The following ZMAT5 variants were observed in gnomAD, a reference collection of about 807,000 sequenced individuals.
ZMAT5 encodes the protein zinc finger matrin-type protein 5.
A neutral mutation model predicts 28.0 loss-of-function variants in ZMAT5; 23 were observed. The ratio of observed to expected loss-of-function variants is 0.82; its 90% CI spans 0.59 to 1.16. The LOEUF (loss-of-function observed/expected upper bound fraction) is 1.16. Ranked by LOEUF, ZMAT5 falls within the 50% of genes most tolerant of loss-of-function variation. ZMAT5 has a pLI of 0.00. For missense variants in ZMAT5, 173 were observed against 212.7 expected, an observed-to-expected ratio of 0.81 and a Z score of 1.16; for synonymous variants, 76 against 84.1, an observed-to-expected ratio of 0.90 and a Z score of 0.52.
intron 1 of ZMAT5, among the ~76,000 whole-genome samples, chr22:29,753,454 G>A (rs1441992073): frequency 2.0e-5 from 3 of 152,180 alleles, no homozygotes; most frequent in Admixed American, 2.0e-4. Context: ...GAACCCAGGA[G>A]GCAGAGGTTG....
Position 29,760,140 on chromosome 22 carries a change from G to A in ZMAT5, c.-28+6732C>T, listed in dbSNP as rs182365408. On this transcript the variant is annotated intron_variant, in intron 1 of 5. Transcript: ENST00000344318. ...TTCTTGAACCCGGGAGGCGGAGGTT[G>A]CAGCGAGCCGAGATTGCACCACTGC... Among the ~76,000 whole-genome samples, 252 of 151,850 alleles carry A rather than the reference G, an allele frequency of 1.7e-3. 1 individual carries two copies. The highest frequency in any genetic ancestry group is 5.6e-3 in the African/African-American group (230 of 41,422).
At chr22:29,731,698 C>A in intron 5 of ZMAT5, 1 of 241,440 alleles carries the variant, frequency 4.1e-6, no homozygotes, top group Non-Finnish European at 7.9e-6. Flanking sequence ...TTTATATGCA[C>A]TGATGAGGAA....
chr22:29,732,816 A>C (rs1331194380), intron 5 of ZMAT5, among the ~76,000 whole-genome samples: 1 of 151,970 alleles, frequency 6.6e-6, no homozygotes, highest in East Asian at 1.9e-4. Flanking sequence ...CCGCCGCCAA[A>C]ATTCAGGCAG....
chr22:29,751,061 T>C (rs1001451351), intron 1 of ZMAT5, among the ~76,000 whole-genome samples: 2 of 152,122 alleles, frequency 1.3e-5, no homozygotes, highest in South Asian at 2.1e-4. Flanking sequence ...AATAAACTTA[T>C]AGGAATTGGA....
chr22:29,740,933 T>A, intron 3 of ZMAT5, among the ~76,000 whole-genome samples: 1 of 152,186 alleles, frequency 6.6e-6, no homozygotes, highest in East Asian at 1.9e-4. Context: ...TCATGCCACA[T>A]GCTCACGACC....
At chr22:29,732,197 C>G (rs1225176319) in intron 5 of ZMAT5, among the ~76,000 whole-genome samples, 1 of 152,252 alleles carries the variant, frequency 6.6e-6, no homozygotes, top group Non-Finnish European at 1.5e-5. Context: ...GGCCGCATGG[C>G]CCTTCTCAGG....
At chr22:29,745,258 G>T (rs570438400) in intron 2 of ZMAT5, among the ~76,000 whole-genome samples, 5 of 152,174 alleles carry the variant, frequency 3.3e-5, no homozygotes, top group Non-Finnish European at 7.4e-5. Flanking sequence ...TGGTGGGGGG[G>T]CCTGGCTTGG....
chr22:29,751,429 T>C (rs2068054619), intron 1 of ZMAT5, among the ~76,000 whole-genome samples: 1 of 152,236 alleles, frequency 6.6e-6, no homozygotes, highest in Non-Finnish European at 1.5e-5. Context: ...ATTAAGCAAG[T>C]GCTCAATAAA....
chr22:29,735,851 T>C (rs1418857601), intron 5 of ZMAT5, among the ~76,000 whole-genome samples: 1 of 152,160 alleles, frequency 6.6e-6, no homozygotes, highest in Non-Finnish European at 1.5e-5. Context: ...CTCAAATTCA[T>C]AGCGCCTTGT....
At chr22:29,735,854 C>T (rs1313894375) in intron 5 of ZMAT5, among the ~76,000 whole-genome samples, 5 of 152,198 alleles carry the variant, frequency 3.3e-5, no homozygotes, top group South Asian at 2.1e-4. Context: ...AAATTCATAG[C>T]GCCTTGTTTC....
chr22:29,749,590 C>A (rs1342300574), intron 1 of ZMAT5, among the ~76,000 whole-genome samples: 1 of 152,228 alleles, frequency 6.6e-6, no homozygotes, highest in Non-Finnish European at 1.5e-5. Flanking sequence ...GAATCTTCCA[C>A]TTAGCTTCCT....
At chr22:29,734,248 A>G (rs2067882730) in intron 5 of ZMAT5, among the ~76,000 whole-genome samples, 1 of 152,116 alleles carries the variant, frequency 6.6e-6, no homozygotes, top group African/African-American at 2.4e-5. Context: ...GGGGGATAAG[A>G]GCTATGCCAC....
rs2068008589 is a variant in ZMAT5, at chr22:29,746,347, C to T, written c.127+2071G>A. 2.0e-5 allele frequency: 3 copies of T among 152,288 alleles called. No individual in the cohort carries two copies. In the South Asian group the frequency reaches 6.2e-4, roughly 32 times the overall value. The allele number at this position is 152,288 out of a possible 1,614,324, so 9.4% of individuals were successfully genotyped here. On this transcript the variant is annotated intron_variant, in intron 2 of 5. Coordinates refer to ENST00000344318, the MANE Select transcript of ZMAT5 (RefSeq NM_001003692.2). ...TATTTTTAGTAGAGGCAGGGTTTCA[C>T]CAGGTTGACCAGGCTGGTCCTGAAC...
In ZMAT5 at chr22:29,758,141, AC is replaced by A. The variant is rs560011869; in HGVS notation, c.-28+8730del. On this transcript the variant is annotated intron_variant, in intron 1 of 5. Transcript: ENST00000344318. ...GTGGCCCACGTGGCAAGGAACTGAG[AC>A]CCCCTGCTAACAGCCACGTGAATAC... Among the ~76,000 whole-genome samples, 190 of 152,088 alleles carry A rather than the reference AC, an allele frequency of 1.2e-3. 1 individual carries two copies. The highest frequency in any genetic ancestry group is 4.5e-3 in the African/African-American group (187 of 41,498).
chr22:29,757,255 A>C (rs952668073), intron 1 of ZMAT5, among the ~76,000 whole-genome samples: 9 of 151,602 alleles, frequency 5.9e-5, no homozygotes, highest in African/African-American at 1.9e-4. Flanking sequence ...AAAAAAAAAA[A>C]AACAGAAAGA....
intron 1 of ZMAT5, among the ~76,000 whole-genome samples, chr22:29,760,662 G>A (rs866945208): frequency 6.6e-6 from 1 of 152,302 alleles, no homozygotes; most frequent in South Asian, 2.1e-4. Flanking sequence ...GCAAAAGCCT[G>A]GAGGAATGAA....
chr22:29,761,318 C>T (rs1379518190), intron 1 of ZMAT5, among the ~76,000 whole-genome samples: 2 of 149,196 alleles, frequency 1.3e-5, no homozygotes, highest in Non-Finnish European at 3.0e-5. Flanking sequence ...CATGGTGGCT[C>T]ACACCTGTAA....
intron 5 of ZMAT5, among the ~76,000 whole-genome samples, chr22:29,737,368 C>G (rs1022281489): frequency 5.3e-5 from 8 of 152,186 alleles, no homozygotes; most frequent in African/African-American, 1.9e-4. Context: ...CCCTCATAGT[C>G]TCTTTCACTG....
intron 4 of ZMAT5, among the ~76,000 whole-genome samples, chr22:29,738,806 C>T (rs952693531): frequency 1.3e-5 from 2 of 151,972 alleles, no homozygotes; most frequent in South Asian, 2.1e-4. Flanking sequence ...GAGTTTGAAA[C>T]CAGCCTGGCC....
Sources: gnomAD v4.1 joint callset for allele counts (sites outside exome capture counted in the v4.1 genomes callset) on GRCh38, gnomAD v4.1.1 for gene constraint, MANE v1.5 for transcripts, NCBI Gene and HGNC (gene_info 2026-07-23, HGNC 2026-07-21) for gene names.